IMMP2L: variants seen among roughly 807,000 people sequenced by gnomAD.
IMMP2L encodes the protein inner mitochondrial membrane peptidase subunit 2.
Under a neutral mutation model 19.3 loss-of-function variants are expected in IMMP2L, and 18 were observed. The observed-to-expected ratio is 0.93, with a 90% confidence interval of 0.64 to 1.38. The LOEUF (loss-of-function observed/expected upper bound fraction) is 1.38, where lower values mean the gene tolerates loss of function less well. IMMP2L is among the 40% of genes most tolerant of loss of function. IMMP2L has a pLI of 0.00. For missense variants in IMMP2L, 233 were observed against 218.2 expected (o/e 1.07, Z -0.43); for synonymous variants, 76 against 73.0 (o/e 1.04, Z -0.21).
At chr7:111,053,426 A>T (rs1442035271) in intron 3 of IMMP2L, among the ~76,000 whole-genome samples, 1 of 151,638 alleles carries the variant, frequency 6.6e-6, no homozygotes, top group Non-Finnish European at 1.5e-5. Context: ...TACCAGTTAA[A>T]CTCCAACATT....
chr7:110,694,787 T>C (rs1000209196), intron 5 of IMMP2L, among the ~76,000 whole-genome samples: 1 of 152,224 alleles, frequency 6.6e-6, no homozygotes, highest in Non-Finnish European at 1.5e-5. Context: ...ATGTTCATAG[T>C]AGCACTGTTT....
intron 3 of IMMP2L, among the ~76,000 whole-genome samples, chr7:111,190,840 A>G (rs982832821): frequency 6.6e-6 from 1 of 152,190 alleles, no homozygotes; most frequent in Non-Finnish European, 1.5e-5. Flanking sequence ...ATTCTACAAC[A>G]TCTTAACTAG....
chr7:111,009,918 A>G (rs1435945933), intron 3 of IMMP2L, among the ~76,000 whole-genome samples: 1 of 152,100 alleles, frequency 6.6e-6, no homozygotes, highest in Non-Finnish European at 1.5e-5. Context: ...TCAAGGCAAC[A>G]TTTTTATTTT....
At chr7:110,773,349 C>A (rs896991277) in intron 5 of IMMP2L, among the ~76,000 whole-genome samples, 10 of 152,068 alleles carry the variant, frequency 6.6e-5, no homozygotes, top group Admixed American at 5.9e-4. Flanking sequence ...TGAGACACAG[C>A]CACAAAAAAT....
At chr7:111,024,715 G>C (rs1304797383) in intron 3 of IMMP2L, among the ~76,000 whole-genome samples, 2 of 152,084 alleles carry the variant, frequency 1.3e-5, no homozygotes, top group East Asian at 3.9e-4. Context: ...CACACATCTA[G>C]AAGCCCCTTT....
intron 3 of IMMP2L, among the ~76,000 whole-genome samples, chr7:111,421,423 T>C (rs1835533963): frequency 6.6e-6 from 1 of 151,044 alleles, no homozygotes; most frequent in Non-Finnish European, 1.5e-5. Flanking sequence ...GCGCCCGCCA[T>C]CATGCCCGGC....
At chr7:111,557,053 T>C (rs1307738792) in intron 1 of IMMP2L, among the ~76,000 whole-genome samples, 1 of 152,128 alleles carries the variant, frequency 6.6e-6, no homozygotes. Context: ...TCCCATATCT[T>C]TTACATTCAA....
chr7:110,856,134 C>G (rs1333120502), intron 5 of IMMP2L, among the ~76,000 whole-genome samples: 1 of 152,016 alleles, frequency 6.6e-6, no homozygotes, highest in African/African-American at 2.4e-5. Flanking sequence ...CCAAAACCAC[C>G]AAATTTATAA....
rs1342198436 is a variant in IMMP2L, at chr7:110,702,344, T to C, written c.409-38623A>G. Among the ~76,000 whole-genome samples the C allele has an allele frequency of 2.0e-5, 3 of 152,274 alleles. No homozygotes were observed. In the South Asian group the frequency reaches 6.2e-4, roughly 32 times the overall value. On this transcript the variant is annotated intron_variant, in intron 5 of 5. Transcript: ENST00000405709. Reference sequence around the variant, plus strand: ...ATTATTTGGCTTTAATGTATATACATATACATGTTCACAGAAATTTTTGAA... The same window carrying C: ...ATTATTTGGCTTTAATGTATATACACATACATGTTCACAGAAATTTTTGAA...
intron 4 of IMMP2L, among the ~76,000 whole-genome samples, chr7:110,953,603 A>G (rs756313928): frequency 2.0e-5 from 3 of 152,128 alleles, no homozygotes; most frequent in Non-Finnish European, 4.4e-5. Context: ...AGTCTTTGCT[A>G]TTGTAAATAG....
chr7:111,370,301 A>G (rs558295758), intron 3 of IMMP2L, among the ~76,000 whole-genome samples: 4 of 151,824 alleles, frequency 2.6e-5, no homozygotes, highest in African/African-American at 9.7e-5. Flanking sequence ...CCCCTCCAGT[A>G]ATAACATGAA....
chr7:110,901,452 A>G (rs914095340), intron 4 of IMMP2L, among the ~76,000 whole-genome samples: 5 of 152,144 alleles, frequency 3.3e-5, no homozygotes, highest in South Asian at 2.1e-4. Flanking sequence ...AGGATTTCAG[A>G]TATCTTCAGG....
intron 3 of IMMP2L, among the ~76,000 whole-genome samples, chr7:111,447,738 C>A (rs1215134455): frequency 6.6e-6 from 1 of 151,366 alleles, no homozygotes; most frequent in East Asian, 1.9e-4. Flanking sequence ...GGACTAAATT[C>A]TCCAATTAAA....
At chr7:111,141,721 G>A (rs1276904098) in intron 3 of IMMP2L, among the ~76,000 whole-genome samples, 1 of 151,814 alleles carries the variant, frequency 6.6e-6, no homozygotes, top group African/African-American at 2.4e-5. Context: ...CCAGGAGCTA[G>A]AGATGTTCAT....
intron 3 of IMMP2L, among the ~76,000 whole-genome samples, chr7:111,242,616 C>T (rs1241644827): frequency 6.6e-6 from 1 of 152,024 alleles, no homozygotes; most frequent in Non-Finnish European, 1.5e-5. Context: ...TCATAGCACA[C>T]AAACGAGCTT....
intron 4 of IMMP2L, among the ~76,000 whole-genome samples, chr7:110,897,677 T>G (rs1811461746): frequency 6.6e-6 from 1 of 152,160 alleles, no homozygotes; most frequent in African/African-American, 2.4e-5. Flanking sequence ...AAAATCTGGA[T>G]GCAAAGATAA....
intron 3 of IMMP2L, among the ~76,000 whole-genome samples, chr7:111,465,501 TA>T (rs757362734): frequency 0.07 from 4,508 of 64,294 alleles, 217 homozygotes; most frequent in African/African-American, 0.21. Flanking sequence ...CAGGTGTCAC[TA>T]AAAAAAAAAA....
chr7:111,441,451 C>T (rs1837708969), intron 3 of IMMP2L, among the ~76,000 whole-genome samples: 1 of 151,556 alleles, frequency 6.6e-6, no homozygotes, highest in South Asian at 2.1e-4. Flanking sequence ...AACTGCAGGT[C>T]GGTGGAGGTG....
chr7:111,011,753 T>C (rs1824983155), intron 3 of IMMP2L, among the ~76,000 whole-genome samples: 1 of 152,126 alleles, frequency 6.6e-6, no homozygotes, highest in Non-Finnish European at 1.5e-5. Context: ...TGAAAACAAA[T>C]AAATTACTCA....
Sources: allele counts gnomAD v4.1 joint callset (sites outside exome capture counted in the v4.1 genomes callset), GRCh38; gene constraint gnomAD v4.1.1; transcripts MANE v1.5; gene names NCBI Gene and HGNC (gene_info 2026-07-23, HGNC 2026-07-21).